The following CFAP74 variants were observed in gnomAD, a reference collection of about 807,000 sequenced individuals.
CFAP74 encodes cilia and flagella associated protein 74, also known as cilia- and flagella-associated protein 74.
In CFAP74, 124 loss-of-function variants were observed where a neutral mutation model predicts 188.9. That is an observed-to-expected ratio of 0.66 (90% CI 0.57 to 0.76). The LOEUF (loss-of-function observed/expected upper bound fraction) is 0.76, where lower values mean the gene tolerates loss of function less well. Among genes scored for constraint, CFAP74 ranks in the 30% least tolerant of loss-of-function variants. CFAP74 has a pLI of 0.00. For synonymous variants in CFAP74, 956 were observed against 916.7 expected, an observed-to-expected ratio of 1.04 and a Z score of -0.77; for missense variants, 2,198 against 2,165.2, an observed-to-expected ratio of 1.02 and a Z score of -0.30.
intron 25 of CFAP74, 98 bp from the exon 26 acceptor site, chr1:1,930,434 G>A: frequency 5.7e-6 from 7 of 1,224,862 alleles, no homozygotes; most frequent in Non-Finnish European, 7.7e-6. Flanking sequence ...AGCCCCGGGG[G>A]GGGCTCACAG....
chr1:1,986,882 A>G, intron 5 of CFAP74, 55 bp downstream of exon 5: 1 of 1,467,202 alleles, frequency 6.8e-7, no homozygotes, highest in Non-Finnish European at 9.4e-7. Flanking sequence ...GAACCAGTGA[A>G]CCTCCGGCCC....
Position 1,959,195 on chromosome 1 carries a change from T to C in CFAP74, c.1776A>G (p.Leu592=), listed in dbSNP as rs2102064750. 1 of 1,607,760 alleles carries C rather than the reference T, an allele frequency of 6.2e-7. No individual in the cohort carries two copies. Among genetic ancestry groups the C allele is most frequent in the Non-Finnish European group, 8.5e-7 (1 of 1,174,432 alleles). ...VTFKPMINKD[L]EGNISFLAQT... is the part of the protein sequence containing the mutation. ...GAGCCAAAAATGAGATATTTCCTTC[T>C]AGATCCTTGTTTATCTAAAACATAA... Residue 592 remains leucine (L), a synonymous_variant, in exon 16 of 39, where the codon CTA becomes CTG. Coordinates refer to ENST00000682832, the MANE Select transcript of CFAP74 (RefSeq NM_001304360.2).
At chr1:1,972,912 T>G (rs1157761890) in intron 8 of CFAP74, 25 bp downstream of exon 8, 3 of 1,478,116 alleles carry the variant, frequency 2.0e-6, no homozygotes, top group Non-Finnish European at 2.8e-6. Flanking sequence ...GGTTTCTCCT[T>G]AAGGACGTCG....
intron 20 of CFAP74, 123 bp downstream of exon 20, chr1:1,946,194 G>A (rs985935650): frequency 1.2e-5 from 15 of 1,212,326 alleles, no homozygotes; most frequent in Admixed American, 8.2e-5. Context: ...CCAACCATCC[G>A]TGCCACCAAC....
At chr1:1,998,123 CA>C (rs1268580623) in intron 1 of CFAP74, among the ~76,000 whole-genome samples, 10 of 152,022 alleles carry the variant, frequency 6.6e-5, no homozygotes, top group African/African-American at 2.4e-4. Flanking sequence ...ACTAAAAATA[CA>C]AAAATTAGCC....
chr1:1,970,714 C>T lies in CFAP74; in HGVS notation c.991G>A (p.Ala331Thr), dbSNP rs763698740. ...CGCTGGTGGACAAGGTGCCTGAATGCATCCCTGCCCTGGGCCAGAATCGCC... is the reference window on the plus strand; with the variant it reads ...CGCTGGTGGACAAGGTGCCTGAATGTATCCCTGCCCTGGGCCAGAATCGCC... ...KKAILAQGRD[A>T]FRHLVHQRRR... is the part of the protein sequence containing the mutation. The change falls in exon 10 of 39, where the codon GCA (alanine) becomes ACA (threonine). Residue 331 changes from alanine to threonine, a missense_variant. Physicochemically the swap from Ala to Thr is moderately conservative, Grantham distance 58. Coordinates refer to ENST00000682832, the MANE Select transcript of CFAP74 (RefSeq NM_001304360.2). 6.2e-7 allele frequency: 1 copy of T among 1,614,054 alleles called. No individual in the cohort carries two copies. Among genetic ancestry groups the T allele is most frequent in the Non-Finnish European group, 8.5e-7 (1 of 1,179,956 alleles).
Position 1,930,083 on chromosome 1 carries a change from C to T in CFAP74, c.3265G>A (p.Val1089Met). ...PDSPITISPS[V>M]GTVWPGKRCL... Reference sequence around the variant, plus strand: ...ACCTTTCCTGGCCACACGGTCCCCACTGAGGGCGAGATGGTGATAGGCGAG... The same window carrying T: ...ACCTTTCCTGGCCACACGGTCCCCATTGAGGGCGAGATGGTGATAGGCGAG... Residue 1089 changes from valine (V) to methionine (M), a missense_variant, in exon 26 of 39, where the codon GTG becomes ATG. Physicochemically the swap from Val to Met is conservative, Grantham distance 21 (BLOSUM62 1). Transcript: ENST00000682832. 6.5e-7 allele frequency: 1 copy of T among 1,529,852 alleles called. No individual in the cohort carries two copies. Among genetic ancestry groups the T allele is most frequent in the Non-Finnish European group, 8.8e-7 (1 of 1,142,122 alleles). 94.8% of individuals were successfully genotyped at this position (1,529,852 alleles called of 1,614,324 possible).
chr1:1,950,633 C>T (rs566788499), intron 18 of CFAP74, among the ~76,000 whole-genome samples: 1 of 152,166 alleles, frequency 6.6e-6, no homozygotes, highest in East Asian at 1.9e-4. Flanking sequence ...AGCCACCGCG[C>T]CTAGGCTTTT....
rs374933354 is a variant in CFAP74 at position 1,993,918 on chromosome 1, C to G, written c.-19-2943G>C. 9.3e-5 allele frequency among the ~76,000 whole-genome samples: 14 copies of G among 150,158 alleles called. No homozygotes were observed. The East Asian group carries it at 1.4e-3, about 15-fold the overall frequency. On this transcript the variant is annotated intron_variant, in intron 1 of 38. Transcript: ENST00000682832. ...AATGGCGTGAACCCGGGAGGCGGAG[C>G]TTGCAGTGAGCCGAGATCACACCAC...
intron 10 of CFAP74, among the ~76,000 whole-genome samples, chr1:1,969,704 C>A (rs1281689522): frequency 2.0e-5 from 3 of 152,184 alleles, no homozygotes; most frequent in Non-Finnish European, 4.4e-5. Context: ...CTGCCAGGAC[C>A]CCCCCGCCCA....
chr1:1,924,001 A>C (rs999777828), intron 34 of CFAP74, 72 bp from the exon 35 acceptor site: 1 of 1,517,434 alleles, frequency 6.6e-7, no homozygotes, highest in Admixed American at 1.8e-5. Context: ...GCCTTGCTGC[A>C]TAGAGCTCTA....
At position 1,930,174 on chromosome 1, in the gene CFAP74, G is replaced by A. The variant is rs1329469402; in HGVS notation, c.3174C>T (p.Pro1058=). ...GAGAGGCGTCCTCTGAGCCAATGCG[G>A]GGCTTGGAGTGGGTCGGTGAGCTCA... is the stretch of plus-strand genomic sequence containing the variant. The part of the protein sequence containing the change: ...LSMSSPTHSK[P]RIGSEDASPM... The change falls in exon 26 of 39, where the codon CCC becomes CCT. Residue 1058 remains proline, a synonymous_variant. Transcript: ENST00000682832. 4 of 1,535,706 alleles carry A rather than the reference G, an allele frequency of 2.6e-6. No homozygotes were observed. Among genetic ancestry groups the A allele is most frequent in the Non-Finnish European group, 3.5e-6 (4 of 1,146,738 alleles).
intron 17 of CFAP74, among the ~76,000 whole-genome samples, chr1:1,956,408 G>A (rs1654631812): frequency 6.6e-6 from 1 of 152,164 alleles, no homozygotes. Context: ...GGAGTGTCCT[G>A]CTGCTGCTGC....
At position 1,942,848 on chromosome 1, in the gene CFAP74, G is replaced by A. The variant is rs1653480386; in HGVS notation, c.2487-692C>T. 6.6e-6 allele frequency among the ~76,000 whole-genome samples: 1 copy of A among 152,180 alleles called. No homozygotes were observed. Among genetic ancestry groups the A allele is most frequent in the Non-Finnish European group, 1.5e-5 (1 of 68,024 alleles). On this transcript the variant is annotated intron_variant, in intron 21 of 38. Transcript: ENST00000682832. The surrounding 1 kb of genome is among the most constrained non-coding windows in gnomAD (Gnocchi z 4.3). Reference sequence around the variant, plus strand: ...CAGCTGCCCCGGGCAATCCACGAGGGGGGACCCAGAGGGTGTGGCAGTGAG... The same window carrying A: ...CAGCTGCCCCGGGCAATCCACGAGGAGGGACCCAGAGGGTGTGGCAGTGAG...
At position 1,974,079 on chromosome 1, in the gene CFAP74, C is replaced by T; in HGVS notation, c.620G>A (p.Cys207Tyr). The T allele has an allele frequency of 6.2e-7, 1 of 1,611,508 alleles. No homozygotes were observed. Among genetic ancestry groups the T allele is most frequent in the Non-Finnish European group, 8.5e-7 (1 of 1,178,662 alleles). Residue 207 changes from cysteine to tyrosine, a missense_variant, in exon 7 of 39, where the codon TGC becomes TAC. By Grantham distance (194) the Cys-to-Tyr change is radical. Coordinates refer to ENST00000682832, the MANE Select transcript of CFAP74 (RefSeq NM_001304360.2). ...RLQVRAAEQLCREQEALGKVE... is the reference protein window; with the variant it reads ...RLQVRAAEQLYREQEALGKVE... ...CTTCCCCAGGGCCTCCTGCTCTCTG[C>T]AGAGCTGCTCGGCTGCGCGCACCTG...
intron 10 of CFAP74, among the ~76,000 whole-genome samples, chr1:1,970,023 G>A (rs184142228): frequency 2.2e-3 from 331 of 152,378 alleles, no homozygotes; most frequent in African/African-American, 6.8e-3. Flanking sequence ...GCGGGAGAGA[G>A]GGGCCTTGTA....
At chr1:1,966,298 C>A (rs915692654) in intron 12 of CFAP74, 73 bp downstream of exon 12, 2 of 1,362,186 alleles carry the variant, frequency 1.5e-6, no homozygotes, top group Admixed American at 5.1e-5. Flanking sequence ...CCGGGGCAGG[C>A]GTGGGAGGTG....
Position 1,968,745 on chromosome 1 carries a change from G to A in CFAP74, c.1135C>T (p.Gln379Ter). The change falls in exon 11 of 39, where the codon CAG (glutamine) becomes TAG (stop). Residue 379 changes from glutamine to a stop codon, truncating the protein, a stop_gained. Transcript: ENST00000682832. LOFTEE classifies it high-confidence loss of function. The surrounding 1 kb of genome is among the most constrained non-coding windows in gnomAD (Gnocchi z 4.3). ...EEAEEEKRKK[Q>*]HPPTSARHRL... ...TGCCTGGCACTGGTGGGGGGATGCTGTTTCTTCCTCTTTTCCTCCTCAGCC... is the reference window on the plus strand; with the variant it reads ...TGCCTGGCACTGGTGGGGGGATGCTATTTCTTCCTCTTTTCCTCCTCAGCC... 1 of 1,614,132 alleles carries A rather than the reference G, an allele frequency of 6.2e-7. No homozygotes were observed. Among genetic ancestry groups the A allele is most frequent in the Non-Finnish European group, 8.5e-7 (1 of 1,179,978 alleles).
intron 6 of CFAP74, among the ~76,000 whole-genome samples, chr1:1,982,421 G>T (rs1041376317): frequency 2.6e-5 from 4 of 152,186 alleles, no homozygotes; most frequent in African/African-American, 9.7e-5. Context: ...ACCCCGCCAG[G>T]GACAGACACG....
Sources: gnomAD v4.1 joint callset for allele counts (sites outside exome capture counted in the v4.1 genomes callset) on GRCh38, gnomAD v4.1.1 for gene constraint, Gnocchi (gnomAD v3.1) non-coding constraint, MANE v1.5 for transcripts, NCBI Gene and HGNC (gene_info 2026-07-23, HGNC 2026-07-21) for gene names.